Variants in METTL9 observed in about 807,000 individuals in gnomAD.
METTL9 encodes methyltransferase 9, His-X-His N1(pi)-histidine.
A neutral mutation model predicts 36.0 loss-of-function variants in METTL9; 10 were observed. That is an observed-to-expected ratio of 0.28 (90% CI 0.17 to 0.47). The LOEUF (loss-of-function observed/expected upper bound fraction) is 0.47. Among genes scored for constraint, METTL9 ranks in the 20% least tolerant of loss-of-function variants. The pLI is 0.99. For missense variants in METTL9, 246 were observed against 383.5 expected, an observed-to-expected ratio of 0.64 and a Z score of 3.00; for synonymous variants, 175 against 149.7, an observed-to-expected ratio of 1.17 and a Z score of -1.23.
rs1291427979 is a variant in METTL9 at position 21,656,211 on chromosome 16, A to T, written c.*779A>T. 1 of 119,026 alleles carries T rather than the reference A, an allele frequency of 8.4e-6. No individual in the cohort carries two copies. Among genetic ancestry groups the T allele is most frequent in the Non-Finnish European group, 1.7e-5 (1 of 60,544 alleles). The allele number at this position is 119,026 out of a possible 1,614,324, so 7.4% of individuals were successfully genotyped here. A position where few individuals can be genotyped will look rare whatever the true frequency, so the allele number is the denominator to read the frequency against. Reference sequence around the variant, plus strand: ...CCCCCCCAGTTAATGCTGCTGTGAAAAATGCAAAATAACCTGGTTCTGACT... The same window carrying T: ...CCCCCCCAGTTAATGCTGCTGTGAATAATGCAAAATAACCTGGTTCTGACT... On this transcript the variant is annotated 3_prime_UTR_variant, in exon 5 of 5. Transcript: ENST00000358154.
At chr16:21,611,407 A>G (rs950439575) in intron 1 of METTL9, among the ~76,000 whole-genome samples, 1 of 152,222 alleles carries the variant, frequency 6.6e-6, no homozygotes, top group South Asian at 2.1e-4. Context: ...TCTACTGCTG[A>G]TAAAAGGTCG....
chr16:21,610,862 G>A (rs1965409044), intron 1 of METTL9, among the ~76,000 whole-genome samples: 1 of 152,042 alleles, frequency 6.6e-6, no homozygotes, highest in East Asian at 1.9e-4. Flanking sequence ...ATCTTGATTA[G>A]CCATTTCAGA....
chr16:21,643,159 A>G (rs779099157), intron 4 of METTL9: 1 of 1,597,430 alleles, frequency 6.3e-7, no homozygotes, highest in South Asian at 1.1e-5. Flanking sequence ...CTTCTTCTAT[A>G]AAGACAAATG....
chr16:21,625,930 C>T (rs1440026519), intron 4 of METTL9, among the ~76,000 whole-genome samples: 2 of 152,108 alleles, frequency 1.3e-5, no homozygotes, highest in Non-Finnish European at 2.9e-5. Context: ...CAGAGCCTTG[C>T]TCTGTCGCCC....
At chr16:21,611,098 G>A (rs950407723) in intron 1 of METTL9, among the ~76,000 whole-genome samples, 2 of 152,152 alleles carry the variant, frequency 1.3e-5, no homozygotes, top group African/African-American at 4.8e-5. Context: ...GTCATATAGA[G>A]TAGGAAAAAT....
intron 1 of METTL9, among the ~76,000 whole-genome samples, chr16:21,600,492 C>A (rs1965092913): frequency 6.6e-6 from 1 of 152,240 alleles, no homozygotes; most frequent in Admixed American, 6.5e-5. Flanking sequence ...CCTACGGAAC[C>A]TTCCCCTCCT....
intron 4 of METTL9, among the ~76,000 whole-genome samples, chr16:21,635,339 T>C (rs1298323393): frequency 6.6e-6 from 1 of 152,080 alleles, no homozygotes; most frequent in East Asian, 1.9e-4. Context: ...GAGATTTCTT[T>C]GCTTATTTCC....
At chr16:21,628,843 A>AG (rs1965874059) in intron 4 of METTL9, among the ~76,000 whole-genome samples, 1 of 137,998 alleles carries the variant, frequency 7.2e-6, no homozygotes, top group Non-Finnish European at 1.6e-5. Context: ...TATGATGCTA[A>AG]TTTTTTTTTT....
chr16:21,617,803 G>C (rs1171819094), intron 2 of METTL9, 62 bp from the exon 3 acceptor site: 2 of 1,336,916 alleles, frequency 1.5e-6, no homozygotes, highest in East Asian at 4.6e-5. Flanking sequence ...CACTTTGTGT[G>C]TGTATGTGAG....
rs541282506 is a variant in METTL9 at position 21,622,141 on chromosome 16, C to CTTTT, written c.567-2772_567-2769dup. On this transcript the variant is annotated intron_variant, in intron 3 of 4. Transcript: ENST00000358154. ...ATAGGTGTGAGCCACCATGCCTGGCCTTTTTTTTTTTTTTTTTTTTTGAGA... is the reference window on the plus strand; with the variant it reads ...ATAGGTGTGAGCCACCATGCCTGGCCTTTTTTTTTTTTTTTTTTTTTTTTTGAGA... Among the ~76,000 whole-genome samples the CTTTT allele has an allele frequency of 2.2e-3, 77 of 34,912 alleles. 12 individuals carry two copies. The highest frequency in any genetic ancestry group is 2.7e-3 in the African/African-American group (15 of 5,638). 22.9% of individuals were successfully genotyped at this position (34,912 alleles called of 152,430 possible).
Position 21,655,522 on chromosome 16 carries a change from C to T in METTL9, c.*90C>T. On this transcript the variant is annotated 3_prime_UTR_variant, in exon 5 of 5. Coordinates refer to ENST00000358154, the MANE Select transcript of METTL9 (RefSeq NM_016025.5). ...TGTTCACAATTACGTGAAGGGAGGA[C>T]CCTTGGGGACCGCCATTCTAAATAT... is the stretch of plus-strand genomic sequence containing the variant. The T allele has an allele frequency of 3.8e-6, 4 of 1,060,094 alleles. No homozygotes were observed. Among genetic ancestry groups the T allele is most frequent in the Non-Finnish European group, 5.5e-6 (4 of 725,360 alleles). 65.7% of individuals were successfully genotyped at this position (1,060,094 alleles called of 1,614,324 possible).
At chr16:21,602,728 G>C (rs1328331218) in intron 1 of METTL9, among the ~76,000 whole-genome samples, 1 of 151,730 alleles carries the variant, frequency 6.6e-6, no homozygotes, top group Non-Finnish European at 1.5e-5. Context: ...CCCAATTTTG[G>C]TTCACTGCAA....
chr16:21,640,857 A>G (rs1966244277), intron 4 of METTL9: 1 of 151,562 alleles, frequency 6.6e-6, no homozygotes, highest in Admixed American at 6.6e-5. Flanking sequence ...TGGTGCTGTT[A>G]TTTGGCACAA....
chr16:21,655,741 C>A lies in METTL9; in HGVS notation c.*309C>A. 1 of 257,156 alleles carries A rather than the reference C, an allele frequency of 3.9e-6. No individual in the cohort carries two copies. 15.9% of individuals were successfully genotyped at this position (257,156 alleles called of 1,614,324 possible). A position where few individuals can be genotyped will look rare whatever the true frequency, so the allele number is the denominator to read the frequency against. ...CTTAATTGCAGTAGGGACTCATTCC[C>A]AGACAAAGCAATAGTCACGACTTCA... is the stretch of plus-strand genomic sequence containing the variant. On this transcript the variant is annotated 3_prime_UTR_variant, in exon 5 of 5. Coordinates refer to ENST00000358154, the MANE Select transcript of METTL9 (RefSeq NM_016025.5).
intron 1 of METTL9, among the ~76,000 whole-genome samples, chr16:21,608,330 A>G (rs896943123): frequency 1.3e-5 from 2 of 152,066 alleles, no homozygotes; most frequent in Non-Finnish European, 2.9e-5. Context: ...GGTCCTTGGT[A>G]TTTCACCTTA....
At chr16:21,598,331 G>C (rs937970848), upstream of METTL9, among the ~76,000 whole-genome samples, 3 of 144,910 alleles carry the variant, frequency 2.1e-5, no homozygotes, top group African/African-American at 7.7e-5. Flanking sequence ...CCTGGAGACA[G>C]AGCGAGACTC....
intron 4 of METTL9, among the ~76,000 whole-genome samples, chr16:21,648,580 C>G (rs1250631284): frequency 6.6e-6 from 1 of 152,204 alleles, no homozygotes; most frequent in African/African-American, 2.4e-5. Flanking sequence ...GGTGCTCTTC[C>G]AAGTTATGAG....
At chr16:21,626,722 G>T (rs3826158) in intron 4 of METTL9, 1 of 153,022 alleles carries the variant, frequency 6.5e-6, no homozygotes, top group East Asian at 1.9e-4. Flanking sequence ...TCTTACTTCA[G>T]TGCTACTCCT....
intron 3 of METTL9, among the ~76,000 whole-genome samples, chr16:21,619,192 G>C (rs1414084348): frequency 6.6e-6 from 1 of 152,138 alleles, no homozygotes; most frequent in Non-Finnish European, 1.5e-5. Flanking sequence ...CCCAGAAGTG[G>C]AGTTGCTGGA....
Sources: allele counts gnomAD v4.1 joint callset (sites outside exome capture counted in the v4.1 genomes callset), GRCh38; gene constraint gnomAD v4.1.1; transcripts MANE v1.5; gene names NCBI Gene and HGNC (gene_info 2026-07-23, HGNC 2026-07-21).